SOX6: variants seen among roughly 807,000 people sequenced by gnomAD.
The protein encoded by SOX6 is SRY-box transcription factor 6.
Under a neutral mutation model 97.8 loss-of-function variants are expected in SOX6, and 11 were observed. That is an observed-to-expected ratio of 0.11 (90% CI 0.07 to 0.19). The LOEUF (loss-of-function observed/expected upper bound fraction) is 0.19, where lower values mean the gene tolerates loss of function less well. Among genes scored for constraint, SOX6 ranks in the 10% least tolerant of loss-of-function variants. SOX6 has a pLI of 1.00. For synonymous variants in SOX6, 360 were observed against 371.4 expected (o/e 0.97, Z 0.35); for missense variants, 810 against 1,039.5 (o/e 0.78, Z 3.04).
chr11:16,620,557 C>G (rs1298184010), intron 3 of SOX6, among the ~76,000 whole-genome samples: 3 of 152,134 alleles, frequency 2.0e-5, no homozygotes, highest in Non-Finnish European at 4.4e-5. Flanking sequence ...GCCCATGCCA[C>G]CATGCCTGGC....
chr11:16,218,372 C>A (rs1454984652), intron 4 of SOX6, among the ~76,000 whole-genome samples: 1 of 152,074 alleles, frequency 6.6e-6, no homozygotes, highest in Non-Finnish European at 1.5e-5. Context: ...TACTTACATA[C>A]TACAAACAAT....
intron 4 of SOX6, among the ~76,000 whole-genome samples, chr11:16,499,003 T>A (rs1042128648): frequency 6.6e-6 from 1 of 152,180 alleles, no homozygotes; most frequent in Non-Finnish European, 1.5e-5. Flanking sequence ...CAACAGAATA[T>A]ACATGCTTTT....
At chr11:16,468,138 T>G (rs1398933302) in intron 1 of SOX6, among the ~76,000 whole-genome samples, 1 of 152,158 alleles carries the variant, frequency 6.6e-6, no homozygotes, top group East Asian at 1.9e-4. Flanking sequence ...AAAAGAAGTT[T>G]TCTCCATCGG....
At position 16,618,412 on chromosome 11, in the gene SOX6, T is replaced by G. The variant is rs191981187; in HGVS notation, n.430-6152A>C. Among the ~76,000 whole-genome samples the G allele has an allele frequency of 2.7e-3, 404 of 151,978 alleles. 1 individual carries two copies. Among genetic ancestry groups the G allele is most frequent in the African/African-American group, 9.1e-3 (377 of 41,544 alleles). ...ACTACAAAGCAATATCCTCAAAATA[T>G]CTATTGAAATATTGTCTTAAAAGTA... On this transcript the variant is annotated intron_variant and non_coding_transcript_variant, in intron 3 of 5. Transcript: ENST00000524520.
intron 2 of SOX6, among the ~76,000 whole-genome samples, chr11:16,732,827 G>C (rs1217950652): frequency 6.6e-6 from 1 of 152,136 alleles, no homozygotes; most frequent in Non-Finnish European, 1.5e-5. Context: ...AAAAATTTTT[G>C]CAATCTATCC....
intron 3 of SOX6, among the ~76,000 whole-genome samples, chr11:16,667,655 T>A (rs182244397): frequency 6.6e-6 from 1 of 152,202 alleles, no homozygotes; most frequent in East Asian, 1.9e-4. Context: ...TTCATCAACA[T>A]GAGACCTATC....
chr11:15,987,073 G>A (rs1226523426), intron 14 of SOX6, among the ~76,000 whole-genome samples: 2 of 152,038 alleles, frequency 1.3e-5, no homozygotes, highest in East Asian at 1.9e-4. Flanking sequence ...ATTTTAATAC[G>A]GTTTATACAG....
At chr11:16,283,351 T>C (rs1325987669) in intron 3 of SOX6, among the ~76,000 whole-genome samples, 3 of 150,782 alleles carry the variant, frequency 2.0e-5, no homozygotes, top group East Asian at 1.9e-4. Flanking sequence ...GAAATATATA[T>C]CAAAAACATT....
chr11:16,551,955 G>A (rs1402238275), intron 4 of SOX6, among the ~76,000 whole-genome samples: 2 of 152,084 alleles, frequency 1.3e-5, no homozygotes, highest in African/African-American at 4.8e-5. Context: ...TTTTATGCAT[G>A]TCTTAGATTA....
intron 3 of SOX6, chr11:16,313,154 T>C (rs1038413449): frequency 1.3e-5 from 2 of 152,196 alleles, no homozygotes; most frequent in Non-Finnish European, 1.5e-5. Context: ...GGAGAGGGCA[T>C]TTCTTGAAGG....
chr11:16,179,050 C>CTAA (rs1447448888), intron 6 of SOX6, among the ~76,000 whole-genome samples: 1 of 151,804 alleles, frequency 6.6e-6, no homozygotes, highest in African/African-American at 2.4e-5. Context: ...GTCATGAAGG[C>CTAA]TAATGTACAA....
intron 1 of SOX6, among the ~76,000 whole-genome samples, chr11:16,380,376 C>A (rs1857776346): frequency 1.3e-5 from 2 of 151,890 alleles, no homozygotes; most frequent in South Asian, 2.1e-4. Flanking sequence ...TCTGAGGTAT[C>A]CCTAAATGTC....
chr11:16,625,566 G>T (rs1388909922), intron 3 of SOX6, among the ~76,000 whole-genome samples: 1 of 152,188 alleles, frequency 6.6e-6, no homozygotes, highest in Non-Finnish European at 1.5e-5. Context: ...GACTCCTGAT[G>T]GGCTCCTGGA....
chr11:16,613,560 G>C lies in SOX6; in HGVS notation n.430-1300C>G, dbSNP rs1848427526. The stretch of plus-strand genomic sequence containing the variant: ...AGGAGGCTCGCGGCGTCCCAAACGG[G>C]TTCGGCCAAGGGTTTCCACCCCATC... On this transcript the variant is annotated intron_variant and non_coding_transcript_variant, in intron 3 of 5. Coordinates refer to the SOX6 transcript ENST00000524520. This position sits in a 1 kb window ranked among gnomAD's most constrained non-coding sequence, Gnocchi z 4.6. Among the ~76,000 whole-genome samples, 1 of 152,018 alleles carries C rather than the reference G, an allele frequency of 6.6e-6. No individual in the cohort carries two copies. Among genetic ancestry groups the C allele is most frequent in the Non-Finnish European group, 1.5e-5 (1 of 68,014 alleles).
intron 4 of SOX6, among the ~76,000 whole-genome samples, chr11:16,500,838 T>C (rs1396005737): frequency 1.3e-5 from 2 of 152,186 alleles, no homozygotes; most frequent in Non-Finnish European, 2.9e-5. Context: ...GAACATTCCA[T>C]GCTCATGGGT....
intron 1 of SOX6, among the ~76,000 whole-genome samples, chr11:16,345,113 G>GT (rs1344152422): frequency 1.1e-4 from 16 of 151,522 alleles, no homozygotes; most frequent in East Asian, 5.8e-4. Flanking sequence ...TTTGTTTGGT[G>GT]TTTTTTTTAA....
intron 9 of SOX6, among the ~76,000 whole-genome samples, chr11:16,080,236 A>T (rs918720879): frequency 6.7e-6 from 1 of 149,080 alleles, no homozygotes; most frequent in African/African-American, 2.5e-5. Flanking sequence ...TTTGTCAATT[A>T]TAAATAAATA....
chr11:16,167,262 C>T (rs1281094584), intron 6 of SOX6, among the ~76,000 whole-genome samples: 2 of 152,088 alleles, frequency 1.3e-5, no homozygotes, highest in Admixed American at 6.6e-5. Context: ...GGTCAAAATC[C>T]TTGACTTTCC....
chr11:15,978,551 C>A (rs1348167780), intron 15 of SOX6, among the ~76,000 whole-genome samples: 5 of 151,556 alleles, frequency 3.3e-5, no homozygotes, highest in Admixed American at 1.3e-4. Context: ...TCCTTCCCAT[C>A]TCCCTGCCAT....
Sources: allele counts gnomAD v4.1 joint callset (sites outside exome capture counted in the v4.1 genomes callset), GRCh38; gene constraint gnomAD v4.1.1; non-coding constraint Gnocchi (gnomAD v3.1); transcripts MANE v1.5; gene names NCBI Gene and HGNC (gene_info 2026-07-23, HGNC 2026-07-21).